The following CLDN15 variants were observed in gnomAD, a reference collection of about 807,000 sequenced individuals.
CLDN15 encodes claudin 15.
CLDN15 carries 9 observed loss-of-function variants against 24.5 expected under a neutral mutation model. That is an observed-to-expected ratio of 0.37 (90% confidence interval 0.22 to 0.64). CLDN15 has a LOEUF of 0.64. Ranked by LOEUF, CLDN15 falls within the 30% of genes least tolerant of loss-of-function variation. CLDN15 has a pLI of 0.63. For missense variants in CLDN15, 248 were observed against 305.9 expected (o/e 0.81, Z 1.41); for synonymous variants, 149 against 131.4 (o/e 1.13, Z -0.92).
intron 1 of CLDN15, among the ~76,000 whole-genome samples, chr7:101,235,223 T>C (rs1798599354): frequency 6.6e-6 from 1 of 152,052 alleles, no homozygotes; most frequent in Admixed American, 6.6e-5. Flanking sequence ...CTTCCTGGAG[T>C]AACAGGTAGG....
At chr7:101,235,877 C>T (rs2116839374) in intron 1 of CLDN15, among the ~76,000 whole-genome samples, 1 of 152,198 alleles carries the variant, frequency 6.6e-6, no homozygotes, top group South Asian at 2.1e-4. Flanking sequence ...CAGTCAGGTC[C>T]CTCTCCCAGG....
chr7:101,236,414 C>T (rs1308980687), intron 1 of CLDN15, among the ~76,000 whole-genome samples: 3 of 152,198 alleles, frequency 2.0e-5, no homozygotes, highest in Non-Finnish European at 4.4e-5. Flanking sequence ...TCCAACATCC[C>T]CGGGGGTGAG....
At chr7:101,236,347 C>T (rs1316509363) in intron 1 of CLDN15, among the ~76,000 whole-genome samples, 6 of 152,128 alleles carry the variant, frequency 3.9e-5, no homozygotes, top group Admixed American at 2.0e-4. Context: ...TCAGGAGGGG[C>T]TGGGAGTAGT....
rs1250040173 is a variant in CLDN15, at chr7:101,232,737, CG to C, written c.465-18del. The C allele has an allele frequency of 6.3e-6, 10 of 1,587,290 alleles. No individual in the cohort carries two copies. The African/African-American group carries it at 8.1e-5, about 13-fold the overall frequency. ...AGCTCGTACCTGCGCACAAGGGCGG[CG>C]CGGGGGCGGGGGACAAGTGAGACGC... is the stretch of plus-strand genomic sequence containing the variant. On this transcript the variant is annotated intron_variant, in intron 3 of 4. Transcript: ENST00000308344.
Position 101,236,269 on chromosome 7 carries a change from G to T in CLDN15, c.217+1096C>A, listed in dbSNP as rs1457208442. On this transcript the variant is annotated intron_variant, in intron 1 of 4. Coordinates refer to ENST00000308344, the MANE Select transcript of CLDN15 (RefSeq NM_014343.3). The stretch of plus-strand genomic sequence containing the variant: ...TTTATAGGGTTTTTTTTGGGGGGGG[G>T]GCCCGCCGGCCCTGCATACAGTCAG... Among the ~76,000 whole-genome samples the T allele has an allele frequency of 7.9e-5, 12 of 151,308 alleles. 1 individual carries two copies. In the East Asian group the frequency reaches 1.9e-3, roughly 24 times the overall value.
intron 2 of CLDN15, among the ~76,000 whole-genome samples, chr7:101,233,507 G>A (rs1210156967): frequency 1.3e-5 from 2 of 152,182 alleles, no homozygotes; most frequent in Non-Finnish European, 2.9e-5. Context: ...GAAAAGCAAT[G>A]GCCAGATGGC....
At position 101,232,585 on chromosome 7, in the gene CLDN15, T is replaced by G; in HGVS notation, c.581+19A>C. 1.3e-6 allele frequency: 2 copies of G among 1,595,892 alleles called. No homozygotes were observed. Among genetic ancestry groups the G allele is most frequent in the Non-Finnish European group, 8.5e-7 (1 of 1,170,518 alleles). On this transcript the variant is annotated intron_variant, in intron 4 of 4. Coordinates refer to ENST00000308344, the MANE Select transcript of CLDN15 (RefSeq NM_014343.3). ...TCTCCAATCCCGCCCGGCCCCAGCC[T>G]GCGCCTCACCCTGCTCACCTGGCGG...
At position 101,232,575 on chromosome 7, in the gene CLDN15, G is replaced by C. The variant is rs746080584; in HGVS notation, c.581+29C>G. 9 of 1,595,904 alleles carry C rather than the reference G, an allele frequency of 5.6e-6. No individual in the cohort carries two copies. In the South Asian group the frequency reaches 1.0e-4, roughly 18 times the overall value. On this transcript the variant is annotated intron_variant, in intron 4 of 4. Transcript: ENST00000308344. Reference sequence around the variant, plus strand: ...GGCCCTCCTCTCTCCAATCCCGCCCGGCCCCAGCCTGCGCCTCACCCTGCT... The same window carrying C: ...GGCCCTCCTCTCTCCAATCCCGCCCCGCCCCAGCCTGCGCCTCACCCTGCT...
At position 101,232,883 on chromosome 7, in the gene CLDN15, G is replaced by A. The variant is rs755988993; in HGVS notation, c.414C>T (p.Tyr138=). Residue 138 remains tyrosine (Y), a synonymous_variant, in exon 3 of 5, where the codon TAC becomes TAT. Coordinates refer to ENST00000308344, the MANE Select transcript of CLDN15 (RefSeq NM_014343.3). ...AGAAGTCCCGGGTGATGTTGAAGGC[G>A]TACCAGGAGATGGCCACCATCCCGC... ...GICGMVAISW[Y]AFNITRDFFD... 6.8e-6 allele frequency: 11 copies of A among 1,613,166 alleles called. No homozygotes were observed. Among genetic ancestry groups the A allele is most frequent in the Non-Finnish European group, 9.3e-6 (11 of 1,179,740 alleles).
chr7:101,234,197 G>A (rs2116836597), intron 2 of CLDN15, 81 bp downstream of exon 2: 1 of 1,122,704 alleles, frequency 8.9e-7, no homozygotes, highest in South Asian at 1.2e-5. Context: ...GTGGGAATTG[G>A]AGAGGAGATT....
Position 101,232,413 on chromosome 7 carries a change from C to G in CLDN15, c.684G>C (p.Val228=). 6.2e-7 allele frequency: 1 copy of G among 1,609,804 alleles called. No homozygotes were observed. Among genetic ancestry groups the G allele is most frequent in the Non-Finnish European group, 8.5e-7 (1 of 1,176,634 alleles). ...CGGGGCCCACGGGCCAGAGCTGCTA[C>G]ACGTAGGCGTTTCTGCCGTATTTGC... is the stretch of plus-strand genomic sequence containing the variant. ...SFGKYGRNAY[V] The change falls in exon 5 of 5, where the codon GTG becomes GTC. Residue 228 remains valine (V), a synonymous_variant. Transcript: ENST00000308344.
chr7:101,234,927 C>A lies in CLDN15; in HGVS notation c.218-485G>T, dbSNP rs1010637723. 5.9e-5 allele frequency among the ~76,000 whole-genome samples: 9 copies of A among 152,254 alleles called. No homozygotes were observed. In the South Asian group the frequency reaches 6.2e-4, roughly 11 times the overall value. On this transcript the variant is annotated intron_variant, in intron 1 of 4. Coordinates refer to ENST00000308344, the MANE Select transcript of CLDN15 (RefSeq NM_014343.3). ...GGCTTTCTCCTGGGCACTCTTGACACCTGAGCTGGGCAACTCTATTCTGGG... is the reference window on the plus strand; with the variant it reads ...GGCTTTCTCCTGGGCACTCTTGACAACTGAGCTGGGCAACTCTATTCTGGG...
chr7:101,234,523 T>C, intron 1 of CLDN15, 81 bp from the exon 2 acceptor site: 1 of 955,422 alleles, frequency 1.0e-6, no homozygotes, highest in Non-Finnish European at 1.6e-6. Flanking sequence ...CCATCCCAGG[T>C]TCAAGTGATT....
At chr7:101,236,598 C>T (rs1000534152) in intron 1 of CLDN15, 13 of 509,844 alleles carry the variant, frequency 2.5e-5, no homozygotes, top group South Asian at 1.9e-4. Flanking sequence ...GAGACTGCCC[C>T]GGAGAAACAA....
upstream of CLDN15, chr7:101,237,812 C>T (rs1798661535): frequency 3.5e-6 from 2 of 574,036 alleles, no homozygotes; most frequent in Middle Eastern, 4.7e-4. This position sits in a 1 kb window ranked among gnomAD's most constrained non-coding sequence, Gnocchi z 4.0. Context: ...TGAGCTAAGC[C>T]TGCGCGCGGC....
chr7:101,236,835 C>T (rs759643376), intron 1 of CLDN15: 72 of 1,290,600 alleles, frequency 5.6e-5, no homozygotes, highest in African/African-American at 2.6e-4. Flanking sequence ...AGACATCAGC[C>T]GGACAAGGAG....
chr7:101,235,058 T>G (rs1010691134), intron 1 of CLDN15, among the ~76,000 whole-genome samples: 3 of 152,130 alleles, frequency 2.0e-5, no homozygotes, highest in Non-Finnish European at 4.4e-5. Flanking sequence ...TTGTGCAAAG[T>G]CGCCCGGCTG....
At chr7:101,235,285 C>T (rs1380678858) in intron 1 of CLDN15, among the ~76,000 whole-genome samples, 1 of 152,198 alleles carries the variant, frequency 6.6e-6, no homozygotes, top group Non-Finnish European at 1.5e-5. Flanking sequence ...GAGACAGGGT[C>T]TTGCTTTGTC....
At chr7:101,232,939 TC>T in intron 2 of CLDN15, 25 bp from the exon 3 acceptor site, 1 of 1,411,348 alleles carries the variant, frequency 7.1e-7, no homozygotes, top group Non-Finnish European at 9.7e-7. Context: ...ACGACCCCAG[TC>T]CAGTCCAGGG....
Sources: allele counts gnomAD v4.1 joint callset (sites outside exome capture counted in the v4.1 genomes callset), GRCh38; gene constraint gnomAD v4.1.1; non-coding constraint Gnocchi (gnomAD v3.1); transcripts MANE v1.5; gene names NCBI Gene and HGNC (gene_info 2026-07-23, HGNC 2026-07-21).